Variants in RSF1 observed in about 807,000 individuals in gnomAD.
RSF1 encodes HBV pX-associated protein 8.
A neutral mutation model predicts 145.2 loss-of-function variants in RSF1; 13 were observed. The observed-to-expected ratio is 0.09, with a 90% CI of 0.06 to 0.14. RSF1 has a LOEUF of 0.14. RSF1 is among the 10% of genes least tolerant of loss of function. The pLI is 1.00. For missense variants in RSF1, 1,517 were observed against 1,718.2 expected (o/e 0.88, Z 2.07); for synonymous variants, 577 against 592.6 (o/e 0.97, Z 0.38).
intron 1 of RSF1, among the ~76,000 whole-genome samples, chr11:77,772,886 G>A (rs969390275): frequency 2.1e-5 from 3 of 142,700 alleles, no homozygotes; most frequent in Non-Finnish European, 3.0e-5. Flanking sequence ...CAAGAAGAAC[G>A]TAGACATCTA....
the RSF1 span, among the ~76,000 whole-genome samples, chr11:77,857,605 G>A: frequency 6.6e-6 from 1 of 151,088 alleles, no homozygotes; most frequent in South Asian, 2.1e-4. Flanking sequence ...TTTACTTTAA[G>A]TTCTCGGATA....
At chr11:77,757,211 G>T (rs571129136) in intron 2 of RSF1, among the ~76,000 whole-genome samples, 1 of 152,164 alleles carries the variant, frequency 6.6e-6, no homozygotes, top group Admixed American at 6.5e-5. Flanking sequence ...GTTGAATACA[G>T]TTCTTTATGC....
rs576178516 is a variant in RSF1, at chr11:77,662,949, CTTAT to C, written c.*3964_*3967del. 34 of 152,142 alleles carry C rather than the reference CTTAT, an allele frequency of 2.2e-4. No homozygotes were observed. The highest frequency in any genetic ancestry group is 7.7e-4 in the African/African-American group (32 of 41,438). 9.4% of individuals were successfully genotyped at this position (152,142 alleles called of 1,614,324 possible). ...TTTGTATCTGTTGCAATGCAGCCAT[CTTAT>C]TTCTTTCAAGTTAATGATGGATTCA... On this transcript the variant is annotated 3_prime_UTR_variant, in exon 16 of 16. Transcript: ENST00000308488.
At chr11:77,769,965 G>A (rs1590876548) in intron 1 of RSF1, among the ~76,000 whole-genome samples, 1 of 152,252 alleles carries the variant, frequency 6.6e-6, no homozygotes, top group East Asian at 1.9e-4. Context: ...TTTAGTTACT[G>A]CCCAGTTTTT....
rs1959236497 is a variant in RSF1 at position 77,661,723 on chromosome 11, TA to T, written c.*5193del. 6.6e-6 allele frequency: 1 copy of T among 151,840 alleles called. No individual in the cohort carries two copies. Among genetic ancestry groups the T allele is most frequent in the Non-Finnish European group, 1.5e-5 (1 of 67,954 alleles). 9.4% of individuals were successfully genotyped at this position (151,840 alleles called of 1,614,324 possible). ...TCCCATCCCTTAAAAGCTGTACAGT[TA>T]TTTTTTTTAAAAAAAGGTGACTCTC... On this transcript the variant is annotated 3_prime_UTR_variant, in exon 16 of 16. Coordinates refer to ENST00000308488, the MANE Select transcript of RSF1 (RefSeq NM_016578.4).
intron 1 of RSF1, among the ~76,000 whole-genome samples, chr11:77,820,226 C>G (rs1183065107): frequency 6.6e-6 from 1 of 152,162 alleles, no homozygotes; most frequent in Non-Finnish European, 1.5e-5. Flanking sequence ...CGCGGAGAAG[C>G]AGTCCCCGGG....
At chr11:77,803,796 A>G (rs965074849) in intron 1 of RSF1, among the ~76,000 whole-genome samples, 2 of 151,348 alleles carry the variant, frequency 1.3e-5, no homozygotes, top group African/African-American at 4.9e-5. Context: ...GCTGTTATGC[A>G]TGGCCAAGTG....
chr11:77,864,983 A>C, the RSF1 span, among the ~76,000 whole-genome samples: 1 of 152,142 alleles, frequency 6.6e-6, no homozygotes. Context: ...TCTCAAAAAC[A>C]AAAAAGAATG....
At chr11:77,819,689 A>G (rs1565190828) in intron 1 of RSF1, among the ~76,000 whole-genome samples, 2 of 152,062 alleles carry the variant, frequency 1.3e-5, no homozygotes, top group South Asian at 4.1e-4. Flanking sequence ...GAGGGAGACG[A>G]CTTCTTCGCC....
chr11:77,683,925 C>G (rs556666190), intron 10 of RSF1, 106 bp from the exon 11 acceptor site: 46 of 781,364 alleles, frequency 5.9e-5, no homozygotes, highest in Non-Finnish European at 9.2e-5. Flanking sequence ...TGTGAAAGGT[C>G]TGAAAAAGTT....
At chr11:77,807,822 C>T (rs1017283081) in intron 1 of RSF1, among the ~76,000 whole-genome samples, 3 of 152,006 alleles carry the variant, frequency 2.0e-5, no homozygotes, top group Admixed American at 6.6e-5. Context: ...TAATGACACA[C>T]GATTATCATA....
At chr11:77,739,218 T>A (rs1021525479) in intron 4 of RSF1, 3 of 152,544 alleles carry the variant, frequency 2.0e-5, no homozygotes, top group East Asian at 1.9e-4. Context: ...AGATTACAGG[T>A]GTGAACCACC....
chr11:77,742,239 C>T (rs188074686), intron 3 of RSF1, among the ~76,000 whole-genome samples: 50 of 152,076 alleles, frequency 3.3e-4, no homozygotes, highest in East Asian at 9.6e-4. Context: ...CCATAATAGC[C>T]GAACTAATTT....
chr11:77,838,615 C>CT, the RSF1 span, among the ~76,000 whole-genome samples: 3,405 of 129,278 alleles, frequency 0.026, 171 homozygotes, highest in African/African-American at 0.078. Flanking sequence ...ATACAAGTAC[C>CT]TTTTTTTTTT....
chr11:77,821,619 A>G (rs772417337), upstream of RSF1, among the ~76,000 whole-genome samples: 5 of 152,036 alleles, frequency 3.3e-5, no homozygotes, highest in Non-Finnish European at 5.9e-5. Context: ...GGCTCTGTTC[A>G]GGGACCAGAA....
At chr11:77,811,704 C>T (rs1452944243) in intron 1 of RSF1, among the ~76,000 whole-genome samples, 1 of 152,162 alleles carries the variant, frequency 6.6e-6, no homozygotes, top group Non-Finnish European at 1.5e-5. Context: ...GTGATTAAAA[C>T]TAGCAATGAG....
chr11:77,726,944 G>C (rs1367686263), intron 4 of RSF1, among the ~76,000 whole-genome samples: 1 of 152,108 alleles, frequency 6.6e-6, no homozygotes, highest in South Asian at 2.1e-4. Context: ...ATTCTCTTGA[G>C]TATTACTAAA....
At chr11:77,854,473 T>C in the RSF1 span, among the ~76,000 whole-genome samples, 1 of 152,172 alleles carries the variant, frequency 6.6e-6, no homozygotes, top group Non-Finnish European at 1.5e-5. Context: ...AGTGAGAAAT[T>C]ATCCAAAACA....
rs1268523266 is a variant in RSF1, at chr11:77,759,889, TATA to T, written c.279+4706_279+4708del. Among the ~76,000 whole-genome samples the T allele has an allele frequency of 4.0e-5, 6 of 151,224 alleles. No homozygotes were observed. In the East Asian group the frequency reaches 1.2e-3, roughly 29 times the overall value. On this transcript the variant is annotated intron_variant, in intron 2 of 15. Transcript: ENST00000308488. Reference sequence around the variant, plus strand: ...AAAAAAAAAAGCATAGCACTGAGTTTATAATAAGCTGTCAAATGTTATCTATTA... The same window carrying T: ...AAAAAAAAAAGCATAGCACTGAGTTTATAAGCTGTCAAATGTTATCTATTA...
Sources: gnomAD v4.1 joint callset for allele counts (sites outside exome capture counted in the v4.1 genomes callset) on GRCh38, gnomAD v4.1.1 for gene constraint, MANE v1.5 for transcripts, NCBI Gene and HGNC (gene_info 2026-07-23, HGNC 2026-07-21) for gene names.